The following TIMP2 variants were observed in gnomAD, a reference collection of about 807,000 sequenced individuals.
TIMP2 encodes the protein TIMP metallopeptidase inhibitor 2, also known as metalloproteinase inhibitor 2.
In TIMP2, 5 loss-of-function variants were observed where a neutral mutation model predicts 24.3. That is an observed-to-expected ratio of 0.21 (90% CI 0.11 to 0.43). TIMP2 has a LOEUF of 0.43. TIMP2 is among the 20% of genes least tolerant of loss of function. The pLI is 1.00. For synonymous variants in TIMP2, 130 were observed against 123.2 expected (o/e 1.06, Z -0.37); for missense variants, 221 against 297.5 (o/e 0.74, Z 1.89).
At chr17:78,900,684 C>T (rs1031853786) in intron 1 of TIMP2, among the ~76,000 whole-genome samples, 3 of 152,192 alleles carry the variant, frequency 2.0e-5, no homozygotes, top group East Asian at 1.9e-4. Flanking sequence ...TACAGATAAC[C>T]CTTGGGGGAG....
chr17:78,877,111 C>T lies in TIMP2; in HGVS notation c.131-3192G>A, dbSNP rs113207427. 3.9e-3 allele frequency among the ~76,000 whole-genome samples: 601 copies of T among 152,330 alleles called. 2 individuals carry two copies. Among genetic ancestry groups the T allele is most frequent in the African/African-American group, 0.014 (566 of 41,570 alleles). On this transcript the variant is annotated intron_variant, in intron 1 of 4. Transcript: ENST00000262768. ...TCTTTGCCAGATGGAGCTGAGATGACGCTGACAACTTTGGGCTGGTGGCCC... is the reference window on the plus strand; with the variant it reads ...TCTTTGCCAGATGGAGCTGAGATGATGCTGACAACTTTGGGCTGGTGGCCC...
At chr17:78,884,115 A>G (rs2069804127) in intron 1 of TIMP2, among the ~76,000 whole-genome samples, 1 of 152,226 alleles carries the variant, frequency 6.6e-6, no homozygotes, top group African/African-American at 2.4e-5. Flanking sequence ...GAGCAGGGAC[A>G]GGAGCAGGAC....
At chr17:78,911,206 G>GA (rs1388114397) in intron 1 of TIMP2, among the ~76,000 whole-genome samples, 1 of 152,174 alleles carries the variant, frequency 6.6e-6, no homozygotes, top group Non-Finnish European at 1.5e-5. Context: ...GAGCAGGGAG[G>GA]AACCAGGCTG....
At chr17:78,878,798 G>A (rs187156797) in intron 1 of TIMP2, among the ~76,000 whole-genome samples, 7 of 152,268 alleles carry the variant, frequency 4.6e-5, no homozygotes, top group Admixed American at 1.3e-4. Flanking sequence ...ATCTCCCCTG[G>A]GCTGCTTTAG....
chr17:78,864,827 G>T (rs1007598916), intron 3 of TIMP2, among the ~76,000 whole-genome samples: 2 of 152,034 alleles, frequency 1.3e-5, no homozygotes, highest in Non-Finnish European at 2.9e-5. Context: ...CAAGGCAGGC[G>T]GATCACCTGA....
intron 1 of TIMP2, among the ~76,000 whole-genome samples, chr17:78,876,997 G>A (rs4789945): frequency 0.94 from 142,519 of 152,208 alleles, 66,855 homozygotes; most frequent in African/African-American, 0.98. Flanking sequence ...CCTGCTGTCA[G>A]TTCCTGCACA....
At chr17:78,895,525 T>C (rs1409827699) in intron 1 of TIMP2, among the ~76,000 whole-genome samples, 3 of 152,164 alleles carry the variant, frequency 2.0e-5, no homozygotes, top group African/African-American at 7.2e-5. Flanking sequence ...CTGTGCACGC[T>C]GCTGGTGGGA....
At chr17:78,917,286 TG>T (rs1255974686) in intron 1 of TIMP2, among the ~76,000 whole-genome samples, 1 of 133,110 alleles carries the variant, frequency 7.5e-6, no homozygotes, top group Non-Finnish European at 1.6e-5. Flanking sequence ...AAAAATTAGC[TG>T]GGCATGGCAG....
intron 3 of TIMP2, among the ~76,000 whole-genome samples, chr17:78,869,701 G>C (rs2069657125): frequency 1.3e-5 from 2 of 152,024 alleles, no homozygotes; most frequent in African/African-American, 4.8e-5. Context: ...TATAATCCCA[G>C]CTACTTGAGA....
At chr17:78,897,104 C>G in intron 1 of TIMP2, 2 of 590,268 alleles carry the variant, frequency 3.4e-6, no homozygotes, top group East Asian at 1.4e-4. Context: ...CACCCCCCCG[C>G]CCCCCGCCGG....
At chr17:78,890,847 G>A in intron 1 of TIMP2, 1 of 1,550,658 alleles carries the variant, frequency 6.4e-7, no homozygotes, top group Non-Finnish European at 8.7e-7. Context: ...GAGGACTTCA[G>A]ATGGGCCAGT....
chr17:78,924,967 G>A lies in TIMP2; in HGVS notation c.122C>T (p.Ala41Val). 1 of 1,299,050 alleles carries A rather than the reference G, an allele frequency of 7.7e-7. No homozygotes were observed. The highest frequency in any genetic ancestry group is 9.9e-7 in the Non-Finnish European group (1 of 1,013,976). 80.5% of individuals were successfully genotyped at this position (1,299,050 alleles called of 1,614,324 possible). A position where few individuals can be genotyped will look rare whatever the true frequency, so the allele number is the denominator to read the frequency against. The change falls in exon 1 of 5, where the codon GCA becomes GTA. Residue 41 changes from alanine to valine, a missense_variant. By Grantham distance (64) the Ala-to-Val change is moderately conservative. Coordinates refer to ENST00000262768, the MANE Select transcript of TIMP2 (RefSeq NM_003255.5). This position sits in a 1 kb window ranked among gnomAD's most constrained non-coding sequence, Gnocchi z 5.3. ...PVHPQQAFCNADVVIRAKAVS... is the reference protein window; with the variant it reads ...PVHPQQAFCNVDVVIRAKAVS... ...GGGTCGCCGCTCCTTACCTACATCT[G>A]CATTGCAAAACGCCTGTTGCGGGTG...
chr17:78,924,622 C>CCA lies in TIMP2; in HGVS notation c.130+335_130+336dup, dbSNP rs1183409428. Among the ~76,000 whole-genome samples the CCA allele has an allele frequency of 6.6e-6, 1 of 152,140 alleles. No individual in the cohort carries two copies. Among genetic ancestry groups the CCA allele is most frequent in the Admixed American group, 6.5e-5 (1 of 15,272 alleles). On this transcript the variant is annotated intron_variant, in intron 1 of 4. Coordinates refer to ENST00000262768, the MANE Select transcript of TIMP2 (RefSeq NM_003255.5). The surrounding 1 kb of genome is among the most constrained non-coding windows in gnomAD (Gnocchi z 5.3). ...GCCCCCCGCCCCCACGCCGTGTCCC[C>CCA]CACGCTCCCCGCCCCCAGCGCTGGC...
At chr17:78,915,520 T>C (rs1261402943) in intron 1 of TIMP2, among the ~76,000 whole-genome samples, 1 of 105,666 alleles carries the variant, frequency 9.5e-6, no homozygotes, top group Non-Finnish European at 2.1e-5. Context: ...TCTCTCTTTT[T>C]TTCTTCTTTT....
intron 1 of TIMP2, among the ~76,000 whole-genome samples, chr17:78,885,751 G>A (rs1256420518): frequency 1.3e-5 from 2 of 152,192 alleles, no homozygotes; most frequent in Admixed American, 6.5e-5. Context: ...TTAACACTCT[G>A]CCCAGGTCAC....
Position 78,891,579 on chromosome 17 carries a change from C to T in TIMP2, c.131-17660G>A, listed in dbSNP as rs936772505. The T allele has an allele frequency of 9.0e-6, 14 of 1,550,742 alleles. No individual in the cohort carries two copies. Among genetic ancestry groups the T allele is most frequent in the East Asian group, 7.3e-5 (3 of 40,934 alleles). On this transcript the variant is annotated intron_variant, in intron 1 of 4. Transcript: ENST00000262768. The surrounding 1 kb of genome is among the most constrained non-coding windows in gnomAD (Gnocchi z 4.5). ...CTGGAATCAGCTGGCCACAGCTGCC[C>T]GAGGTCTCTCAGCTTCCCCTCCAGA...
intron 1 of TIMP2, among the ~76,000 whole-genome samples, chr17:78,911,038 A>G (rs2070202215): frequency 1.3e-5 from 2 of 152,168 alleles, no homozygotes; most frequent in South Asian, 2.1e-4. Flanking sequence ...AGGAACCTCC[A>G]CCATAGTGAC....
rs761114972 is a variant in TIMP2, at chr17:78,920,351, C to T, written c.130+4608G>A. ...GGCCAGGACTGCGTACGTGGCTCTG[C>T]ACCCCCAGAAGGGTGCAAATAGGGG... On this transcript the variant is annotated intron_variant, in intron 1 of 4. Transcript: ENST00000262768. The surrounding 1 kb of genome is among the most constrained non-coding windows in gnomAD (Gnocchi z 4.5). Among the ~76,000 whole-genome samples, 1 of 152,226 alleles carries T rather than the reference C, an allele frequency of 6.6e-6. No homozygotes were observed. The highest frequency in any genetic ancestry group is 3.2e-3 in the Middle Eastern group (1 of 316).
At chr17:78,890,941 T>C in intron 1 of TIMP2, 1 of 1,551,104 alleles carries the variant, frequency 6.4e-7, no homozygotes, top group Non-Finnish European at 8.7e-7. Flanking sequence ...GTTCCATTTG[T>C]TCAAGCGATT....
Sources: gnomAD v4.1 joint callset for allele counts (sites outside exome capture counted in the v4.1 genomes callset) on GRCh38, gnomAD v4.1.1 for gene constraint, Gnocchi (gnomAD v3.1) non-coding constraint, MANE v1.5 for transcripts, NCBI Gene and HGNC (gene_info 2026-07-23, HGNC 2026-07-21) for gene names.